PSD2: variants seen among roughly 807,000 people sequenced by gnomAD.
PSD2 encodes pleckstrin and Sec7 domain containing 2, also known as PH and SEC7 domain-containing protein 2.
PSD2 carries 38 observed loss-of-function variants against 69.8 expected under a neutral mutation model. The observed-to-expected ratio is 0.54, with a 90% CI of 0.42 to 0.71. The LOEUF (loss-of-function observed/expected upper bound fraction) is 0.71, where lower values mean the gene tolerates loss of function less well. Ranked by LOEUF, PSD2 falls within the 30% of genes least tolerant of loss-of-function variation. PSD2 has a pLI of 0.00. For synonymous variants in PSD2, 412 were observed against 423.0 expected (o/e 0.97, Z 0.32); for missense variants, 943 against 1,014.5 (o/e 0.93, Z 0.96).
the PSD2 span, among the ~76,000 whole-genome samples, chr5:139,750,526 G>A: frequency 6.6e-6 from 1 of 152,168 alleles, no homozygotes; most frequent in African/African-American, 2.4e-5. Context: ...TCAAAGGAGG[G>A]GCAGCTCAGC....
chr5:139,762,797 G>A, the PSD2 span, among the ~76,000 whole-genome samples: 5 of 152,152 alleles, frequency 3.3e-5, no homozygotes, highest in East Asian at 3.9e-4. Context: ...GGGATGGCAG[G>A]ACAGGAGGCC....
chr5:139,843,473 G>A lies in PSD2; in HGVS notation c.*999G>A. ...TGTTTATATTTGGGTCTTTATGTTG[G>A]TGCTGCCAGGTCTCTGAGCTCCAGA... On this transcript the variant is annotated 3_prime_UTR_variant, in exon 15 of 15. Transcript: ENST00000274710. The A allele has an allele frequency of 6.6e-6, 1 of 152,242 alleles. No individual in the cohort carries two copies. The highest frequency in any genetic ancestry group is 1.9e-4 in the East Asian group (1 of 5,202). The allele number at this position is 152,242 out of a possible 1,614,324, so 9.4% of individuals were successfully genotyped here.
At chr5:139,754,757 A>G in the PSD2 span, among the ~76,000 whole-genome samples, 1 of 151,068 alleles carries the variant, frequency 6.6e-6, no homozygotes, top group Non-Finnish European at 1.5e-5. Flanking sequence ...CCCACCTGTA[A>G]TCCCAGCTAC....
chr5:139,805,850 G>T (rs1317968901), intron 1 of PSD2, among the ~76,000 whole-genome samples: 1 of 152,178 alleles, frequency 6.6e-6, no homozygotes, highest in African/African-American at 2.4e-5. Context: ...GACCTTTTCA[G>T]GCCATGCTGG....
chr5:139,819,024 T>C (rs998281996), intron 5 of PSD2, among the ~76,000 whole-genome samples: 2 of 152,222 alleles, frequency 1.3e-5, no homozygotes, highest in Non-Finnish European at 2.9e-5. Context: ...ATCTGAATCA[T>C]CTGTATCTGT....
the PSD2 span, among the ~76,000 whole-genome samples, chr5:139,759,943 GAGGCTCAGAGAAAGGCC>G: frequency 6.6e-6 from 1 of 152,208 alleles, no homozygotes; most frequent in East Asian, 1.9e-4. Context: ...TGAGGAAACT[GAGGCTCAGAGAAAGGCC>G]AGGCCTTGCC....
chr5:139,838,454 T>C (rs1306719211), intron 12 of PSD2, among the ~76,000 whole-genome samples, 174 bp from the exon 13 acceptor site: 2 of 152,154 alleles, frequency 1.3e-5, no homozygotes, highest in Non-Finnish European at 2.9e-5. Context: ...GCTCCGTGCA[T>C]AGCTCTGGCC....
At chr5:139,792,921 T>C (rs1342559205), upstream of PSD2, among the ~76,000 whole-genome samples, 4 of 142,362 alleles carry the variant, frequency 2.8e-5, no homozygotes, top group East Asian at 2.0e-4. Context: ...TTTCTTTCTT[T>C]TTTCTTTCTT....
rs995102873 is a variant in PSD2 at position 139,840,025 on chromosome 5, A to G, written c.1969-2A>G. On this transcript the variant is annotated splice_acceptor_variant, in intron 13 of 14. Coordinates refer to ENST00000274710, the MANE Select transcript of PSD2 (RefSeq NM_032289.4). LOFTEE classifies it high-confidence loss of function. Reference sequence around the variant, plus strand: ...CTCACAGTCCAGGATTTGTCTTTGCAGGAGGAGCAACTGCGGTCTCATGAG... The same window carrying G: ...CTCACAGTCCAGGATTTGTCTTTGCGGGAGGAGCAACTGCGGTCTCATGAG... The G allele has an allele frequency of 6.2e-7, 1 of 1,614,176 alleles. No individual in the cohort carries two copies.
At chr5:139,820,683 T>C (rs72794895) in intron 5 of PSD2, among the ~76,000 whole-genome samples, 41,553 of 152,130 alleles carry the variant, frequency 0.27, 6,235 homozygotes, top group African/African-American at 0.4. Context: ...CCTCAGCCTG[T>C]AATCTCCCTT....
chr5:139,842,484 A>G lies in PSD2; in HGVS notation c.*10A>G. The G allele has an allele frequency of 6.2e-7, 1 of 1,610,408 alleles. No homozygotes were observed. The highest frequency in any genetic ancestry group is 8.5e-7 in the Non-Finnish European group (1 of 1,177,420). ...TGGGCCTGATACTTAGCTGACATGG[A>G]TTTGCAGACCCCAGGGTGGGCAGAT... On this transcript the variant is annotated 3_prime_UTR_variant, in exon 15 of 15. Transcript: ENST00000274710.
chr5:139,778,928 CA>C, the PSD2 span, among the ~76,000 whole-genome samples: 12 of 53,128 alleles, frequency 2.3e-4, no homozygotes, highest in African/African-American at 3.0e-4. Flanking sequence ...GCCAATGTCT[CA>C]AAAAAAGAAA....
Position 139,813,403 on chromosome 5 carries a change from A to G in PSD2, c.466A>G (p.Ser156Gly). ...ESELLRGTQY[S>G]SLDSLDGLSL... ...AGAGCTGCTGCGGGGCACCCAGTAC[A>G]GCAGCCTCGACTCCCTAGACGGGCT... Residue 156 changes from serine to glycine, a missense_variant, in exon 3 of 15, where the codon AGC becomes GGC. By Grantham distance (56) the Ser-to-Gly change is moderately conservative. Around this residue, in one of 3 missense-constraint regions of PSD2, gnomAD observed 466 missense variants for 445.0 expected, o/e 1.05. Transcript: ENST00000274710. 1.9e-6 allele frequency: 3 copies of G among 1,613,540 alleles called. No homozygotes were observed. The highest frequency in any genetic ancestry group is 2.5e-6 in the Non-Finnish European group (3 of 1,179,502).
rs779474791 is a variant in PSD2 at position 139,830,592 on chromosome 5, T to TTCTTTCTTTCTTTC, written c.1270-3109_1270-3108insCTTTCTTTCTTTCT. On this transcript the variant is annotated intron_variant, in intron 7 of 14. Transcript: ENST00000274710. ...TTTCTTTCTTTCTTTCTTTCTTTCT[T>TTCTTTCTTTCTTTC]TTTCTTTCTTTCTTTCTCTTTCTTT... Among the ~76,000 whole-genome samples the TTCTTTCTTTCTTTC allele has an allele frequency of 4.6e-5, 4 of 86,038 alleles. 1 individual carries two copies. The highest frequency in any genetic ancestry group is 2.1e-4 in the African/African-American group (4 of 18,834). 56.4% of individuals were successfully genotyped at this position (86,038 alleles called of 152,430 possible).
In PSD2 at chr5:139,844,237, A is replaced by C. The variant is rs542192313; in HGVS notation, c.*1763A>C. ...TCACTTCCCGAGGGCGGGTGAGTGGAGAGCAGAGCCAGGAGCTCTGGCAGC... is the reference window on the plus strand; with the variant it reads ...TCACTTCCCGAGGGCGGGTGAGTGGCGAGCAGAGCCAGGAGCTCTGGCAGC... On this transcript the variant is annotated 3_prime_UTR_variant, in exon 15 of 15. Coordinates refer to ENST00000274710, the MANE Select transcript of PSD2 (RefSeq NM_032289.4). The C allele has an allele frequency of 3.9e-5, 6 of 152,340 alleles. No individual in the cohort carries two copies. The highest frequency in any genetic ancestry group is 1.4e-4 in the African/African-American group (6 of 41,572). The allele number at this position is 152,340 out of a possible 1,614,324, so 9.4% of individuals were successfully genotyped here. A position where few individuals can be genotyped will look rare whatever the true frequency, so the allele number is the denominator to read the frequency against.
the PSD2 span, among the ~76,000 whole-genome samples, chr5:139,745,869 T>C: frequency 6.6e-6 from 1 of 152,312 alleles, no homozygotes; most frequent in East Asian, 1.9e-4. Flanking sequence ...CCACCCACAC[T>C]GTCCGGTCAC....
rs913782473 is a variant in PSD2, at chr5:139,839,922, G to A, written c.1969-105G>A. The A allele has an allele frequency of 1.5e-6, 2 of 1,302,750 alleles. No homozygotes were observed. The highest frequency in any genetic ancestry group is 2.9e-5 in the African/African-American group (2 of 68,862). 80.7% of individuals were successfully genotyped at this position (1,302,750 alleles called of 1,614,324 possible). The stretch of plus-strand genomic sequence containing the variant: ...CCCCACATTTTGGTGATGCTGGCTA[G>A]GCCTTCATTTCCCTTTGGTGGAGCA... On this transcript the variant is annotated intron_variant, in intron 13 of 14. Transcript: ENST00000274710. This position sits in a 1 kb window ranked among gnomAD's most constrained non-coding sequence, Gnocchi z 5.1.
At chr5:139,809,875 G>T in intron 2 of PSD2, 64 bp downstream of exon 2, 1 of 1,541,544 alleles carries the variant, frequency 6.5e-7, no homozygotes, top group Admixed American at 2.0e-5. Context: ...TGTGGCCTGG[G>T]CTTAGCCACT....
At chr5:139,765,936 G>C in the PSD2 span, among the ~76,000 whole-genome samples, 1 of 152,172 alleles carries the variant, frequency 6.6e-6, no homozygotes, top group Non-Finnish European at 1.5e-5. Flanking sequence ...CTCTGGCCCG[G>C]GGTGGTGCGT....
Sources: gnomAD v4.1 joint callset for allele counts (sites outside exome capture counted in the v4.1 genomes callset) on GRCh38, gnomAD v4.1.1 for gene constraint, gnomAD v4.1.1 regional missense constraint, Gnocchi (gnomAD v3.1) non-coding constraint, MANE v1.5 for transcripts, NCBI Gene and HGNC (gene_info 2026-07-23, HGNC 2026-07-21) for gene names.